The following AP5Z1 variants were observed in gnomAD, a reference collection of about 807,000 sequenced individuals.
AP5Z1 encodes adaptor related protein complex 5 subunit zeta 1.
Under a neutral mutation model 83.0 loss-of-function variants are expected in AP5Z1, and 106 were observed. The ratio of observed to expected loss-of-function variants is 1.28; its 90% confidence interval spans 1.09 to 1.50. The LOEUF is 1.50. Ranked by LOEUF, AP5Z1 falls within the 40% of genes most tolerant of loss-of-function variation. The pLI is 0.00. For synonymous variants in AP5Z1, 751 were observed against 514.1 expected, an observed-to-expected ratio of 1.46 and a Z score of -6.23; for missense variants, 1,565 against 1,094.2, an observed-to-expected ratio of 1.43 and a Z score of -6.07.
chr7:4,790,748 G>A lies in AP5Z1; in HGVS notation c.2014G>A (p.Glu672Lys), dbSNP rs145463842. Reference protein sequence around the residue: ...CTVEQINKFFEALEALLFEVT... With the variant: ...CTVEQINKFFKALEALLFEVT... ...CGTGGAGCAGATCAACAAGTTCTTC[G>A]AAGCCCTGGAGGCTCTGCTATTCGA... Residue 672 changes from glutamate to lysine, a missense_variant, in exon 16 of 17, where the codon GAA becomes AAA. Glu to Lys is a moderately conservative substitution (Grantham distance 56, BLOSUM62 1). Transcript: ENST00000649063. 9.8e-5 allele frequency: 158 copies of A among 1,609,430 alleles called. No individual in the cohort carries two copies. Among genetic ancestry groups the A allele is most frequent in the Non-Finnish European group, 1.2e-4 (141 of 1,178,818 alleles).
At chr7:4,786,709 G>A (rs1421974761) in intron 10 of AP5Z1, among the ~76,000 whole-genome samples, 4 of 152,178 alleles carry the variant, frequency 2.6e-5, no homozygotes, top group African/African-American at 7.2e-5. Context: ...CAGGGCTGCT[G>A]CCTGGTAGGA....
At chr7:4,790,995 T>TG in intron 16 of AP5Z1, 108 bp downstream of exon 16, 5 of 1,467,482 alleles carry the variant, frequency 3.4e-6, no homozygotes, top group Non-Finnish European at 4.5e-6. Context: ...GCGCAGGTCC[T>TG]GGGTGGGCCC....
chr7:4,776,657 C>A lies in AP5Z1; in HGVS notation c.41+901C>A, dbSNP rs192662579. ...GGCTGAGGCAGGAGGATTGCTTGAA[C>A]CTGTGAGGTGGAGGTTACAGTGAGC... On this transcript the variant is annotated intron_variant, in intron 1 of 16. Transcript: ENST00000649063. 3.3e-3 allele frequency among the ~76,000 whole-genome samples: 504 copies of A among 151,820 alleles called. 2 individuals carry two copies. Among genetic ancestry groups the A allele is most frequent in the Non-Finnish European group, 4.2e-3 (285 of 67,994 alleles).
chr7:4,783,300 C>T lies in AP5Z1; in HGVS notation c.367-16C>T, dbSNP rs776183477. The stretch of plus-strand genomic sequence containing the variant: ...CACAGGCCAGTACCCCAGCGTTTGC[C>T]CTGTTTGATTTGAAGGGTGACAGAA... On this transcript the variant is annotated splice_polypyrimidine_tract_variant and intron_variant, in intron 3 of 16. Coordinates refer to ENST00000649063, the MANE Select transcript of AP5Z1 (RefSeq NM_014855.3). 1 of 1,593,332 alleles carries T rather than the reference C, an allele frequency of 6.3e-7. No homozygotes were observed. Among genetic ancestry groups the T allele is most frequent in the Non-Finnish European group, 8.6e-7 (1 of 1,169,144 alleles).
chr7:4,792,335 G>T lies in AP5Z1; in HGVS notation c.*950G>T, dbSNP rs1175556406. The T allele has an allele frequency of 6.6e-6, 1 of 151,252 alleles. No homozygotes were observed. The highest frequency in any genetic ancestry group is 1.5e-5 in the Non-Finnish European group (1 of 67,770). 9.4% of individuals were successfully genotyped at this position (151,252 alleles called of 1,614,324 possible). ...CCTCCCCACTCTGGCTCCGCCCCCG[G>T]TCTCCTCTTTTGCTCTGGCCCCGCC... On this transcript the variant is annotated 3_prime_UTR_variant, in exon 17 of 17. Coordinates refer to ENST00000649063, the MANE Select transcript of AP5Z1 (RefSeq NM_014855.3).
chr7:4,787,770 A>G lies in AP5Z1; in HGVS notation c.1448A>G (p.Gln483Arg), dbSNP rs1379575517. ...LPCLTAVLDL[Q>R]LRSAPAASER... is the part of the protein sequence containing the mutation. ...TGCTTGACGGCGGTGCTGGACCTGCAGCTCAGGTGGGCCCCTCACCCTCTG... is the reference window on the plus strand; with the variant it reads ...TGCTTGACGGCGGTGCTGGACCTGCGGCTCAGGTGGGCCCCTCACCCTCTG... The change falls in exon 11 of 17, where the codon CAG becomes CGG. Residue 483 changes from glutamine (Q) to arginine (R), a missense_variant. By Grantham distance (43) the Gln-to-Arg change is conservative. Coordinates refer to ENST00000649063, the MANE Select transcript of AP5Z1 (RefSeq NM_014855.3). The G allele has an allele frequency of 2.6e-6, 4 of 1,535,038 alleles. No homozygotes were observed. In the South Asian group the frequency reaches 4.8e-5, roughly 18 times the overall value.
At chr7:4,783,531 G>T (rs886477778) in intron 4 of AP5Z1, 71 bp downstream of exon 4, 68 of 1,580,558 alleles carry the variant, frequency 4.3e-5, no homozygotes, top group Non-Finnish European at 5.5e-5. Context: ...GGCCCATGGT[G>T]GGTTGGGAGT....
chr7:4,790,591 G>A lies in AP5Z1; in HGVS notation c.1938G>A (p.Val646=). 1.2e-6 allele frequency: 2 copies of A among 1,612,842 alleles called. No individual in the cohort carries two copies. Among genetic ancestry groups the A allele is most frequent in the Non-Finnish European group, 1.7e-6 (2 of 1,179,826 alleles). Residue 646 remains valine (V), a splice_region_variant and synonymous_variant, in exon 15 of 17, where the codon GTG becomes GTA. Transcript: ENST00000649063. The part of the protein sequence containing the change: ...LCSRASLVTS[V]VWAIGEYLSV... ...GCAGGGCGAGCCTCGTCACCAGCGT[G>A]GTAAGGCGGGCGCTGGCCTCCCACA...
intron 3 of AP5Z1, 39 bp from the exon 4 acceptor site, chr7:4,783,277 C>T (rs780361880): frequency 1.2e-5 from 18 of 1,539,140 alleles, no homozygotes; most frequent in Non-Finnish European, 1.6e-5. Context: ...GTCTCTGGCA[C>T]AGGCCAGTAC....
chr7:4,788,804 G>C, intron 12 of AP5Z1, 36 bp from the exon 13 acceptor site: 2 of 1,531,686 alleles, frequency 1.3e-6, no homozygotes, highest in South Asian at 2.5e-5. Context: ...CCAGGTCGGG[G>C]AGCGGGCAGC....
chr7:4,783,827 G>A (rs923307598), intron 5 of AP5Z1, 29 bp downstream of exon 5: 2 of 1,537,472 alleles, frequency 1.3e-6, no homozygotes, highest in African/African-American at 1.4e-5. Flanking sequence ...TGGAACCATG[G>A]GGAACAGAGT....
At position 4,792,381 on chromosome 7, in the gene AP5Z1, C is replaced by T. The variant is rs1301192952; in HGVS notation, c.*996C>T. ...CCGCCCACCTCCCCTCCGGCCTCGG[C>T]CCCGCCCCCAATCCCCCATAGCTCT... On this transcript the variant is annotated 3_prime_UTR_variant, in exon 17 of 17. Coordinates refer to ENST00000649063, the MANE Select transcript of AP5Z1 (RefSeq NM_014855.3). 3.4e-5 allele frequency: 5 copies of T among 148,828 alleles called. No individual in the cohort carries two copies. The highest frequency in any genetic ancestry group is 6.0e-5 in the Non-Finnish European group (4 of 66,996). The allele number at this position is 148,828 out of a possible 1,614,324, so 9.2% of individuals were successfully genotyped here.
intron 16 of AP5Z1, 67 bp from the exon 17 acceptor site, chr7:4,791,048 C>T (rs1413237362): frequency 3.3e-6 from 5 of 1,493,776 alleles, no homozygotes; most frequent in Admixed American, 2.1e-5. Flanking sequence ...AGGCCTGGCC[C>T]CTCCACACAG....
intron 10 of AP5Z1, among the ~76,000 whole-genome samples, chr7:4,787,117 G>C (rs1444759255): frequency 6.6e-6 from 1 of 152,116 alleles, no homozygotes; most frequent in Admixed American, 6.5e-5. Context: ...TCGCCTCGCT[G>C]TAAGGTCTTT....
chr7:4,790,926 G>C, intron 16 of AP5Z1, 39 bp downstream of exon 16: 1 of 1,538,706 alleles, frequency 6.5e-7, no homozygotes, highest in Non-Finnish European at 8.8e-7. Flanking sequence ...TCTGGCTCCT[G>C]GGGAAGAGAG....
At chr7:4,780,697 C>G (rs925235784) in intron 1 of AP5Z1, among the ~76,000 whole-genome samples, 2 of 151,996 alleles carry the variant, frequency 1.3e-5, no homozygotes, top group Admixed American at 6.6e-5. Context: ...ACCCCGGAGG[C>G]GAAGGTTGCA....
At chr7:4,786,670 A>G (rs1218798862) in intron 10 of AP5Z1, among the ~76,000 whole-genome samples, 1 of 152,082 alleles carries the variant, frequency 6.6e-6, no homozygotes, top group Non-Finnish European at 1.5e-5. Context: ...GTGACACAAG[A>G]CGGTGAGTTT....
intron 13 of AP5Z1, chr7:4,789,174 C>T (rs1200943369): frequency 4.1e-5 from 20 of 492,856 alleles, no homozygotes; most frequent in Admixed American, 1.1e-4. Flanking sequence ...CCCCAGTCCC[C>T]GTCCCATCCC....
intron 1 of AP5Z1, among the ~76,000 whole-genome samples, chr7:4,780,322 T>TAAGA (rs1348306785): frequency 6.6e-6 from 1 of 152,202 alleles, no homozygotes; most frequent in Non-Finnish European, 1.5e-5. Context: ...CTTTAATATA[T>TAAGA]AAGATTTTAT....
Sources: gnomAD v4.1 joint callset for allele counts (sites outside exome capture counted in the v4.1 genomes callset) on GRCh38, gnomAD v4.1.1 for gene constraint, MANE v1.5 for transcripts, NCBI Gene and HGNC (gene_info 2026-07-23, HGNC 2026-07-21) for gene names.